The following CNOT1 variants were observed in gnomAD, a reference collection of about 807,000 sequenced individuals.
The protein encoded by CNOT1 is CCR4-associated factor 1.
CNOT1 carries 15 observed loss-of-function variants against 273.8 expected under a neutral mutation model. The ratio of observed to expected loss-of-function variants is 0.05; its 90% confidence interval spans 0.04 to 0.08. The LOEUF (loss-of-function observed/expected upper bound fraction) is 0.08, where lower values mean the gene tolerates loss of function less well. CNOT1 is among the 10% of genes least tolerant of loss of function. The pLI is 1.00. For missense variants in CNOT1, 1,644 were observed against 2,912.2 expected (o/e 0.56, Z 10.02); for synonymous variants, 1,022 against 1,005.5 (o/e 1.02, Z -0.31).
Position 58,553,808 on chromosome 16 carries a change from T to C in CNOT1, c.2944A>G (p.Met982Val), listed in dbSNP as rs762091126. The C allele has an allele frequency of 1.2e-6, 2 of 1,611,742 alleles. No individual in the cohort carries two copies. Among genetic ancestry groups the C allele is most frequent in the Non-Finnish European group, 1.7e-6 (2 of 1,179,400 alleles). Residue 982 changes from methionine to valine, a missense_variant, in exon 22 of 49, where the codon ATG becomes GTG. Met to Val is a conservative substitution (Grantham distance 21). Transcript: ENST00000317147. ...CQHLASISHF[M>V]QFPHHLQEYI... ...TCCTGTAAATGATGTGGAAATTGCA[T>C]AAAGTGACTGATAGAAGCCAAATGC...
chr16:58,585,830 A>C (rs972325848), intron 7 of CNOT1, among the ~76,000 whole-genome samples: 1 of 152,200 alleles, frequency 6.6e-6, no homozygotes, highest in African/African-American at 2.4e-5. Context: ...AAGCATCAAA[A>C]ACAAACAATT....
In CNOT1 at chr16:58,582,875, C is replaced by G. The variant is rs1460338158; in HGVS notation, c.962G>C (p.Trp321Ser). The change falls in exon 10 of 49, where the codon TGG (tryptophan) becomes TCG (serine). Residue 321 changes from tryptophan to serine, a missense_variant. Trp to Ser is a radical substitution (Grantham distance 177, BLOSUM62 -3). Transcript: ENST00000317147. Reference protein sequence around the residue: ...QSISAPGSGIWSDGKDKSDGA... With the variant: ...QSISAPGSGISSDGKDKSDGA... ...ATCACTTTTATCTTTCCCATCACTC[C>G]AGATCCCACTGCCCGGAGCAGAAAT... 6.2e-7 allele frequency: 1 copy of G among 1,610,444 alleles called. No homozygotes were observed. Among genetic ancestry groups the G allele is most frequent in the East Asian group, 2.2e-5 (1 of 44,848 alleles).
intron 16 of CNOT1, among the ~76,000 whole-genome samples, chr16:58,562,860 T>G (rs1239155071): frequency 6.6e-6 from 1 of 152,152 alleles, no homozygotes; most frequent in Non-Finnish European, 1.5e-5. Context: ...GTACATGAAC[T>G]TAGTCTTTAA....
intron 39 of CNOT1, among the ~76,000 whole-genome samples, chr16:58,535,179 A>C (rs2039887846): frequency 6.6e-6 from 1 of 152,194 alleles, no homozygotes; most frequent in African/African-American, 2.4e-5. Flanking sequence ...CACAGAAACC[A>C]AGTTCCGAAA....
intron 44 of CNOT1, chr16:58,528,199 T>C: frequency 1.9e-6 from 1 of 524,914 alleles, no homozygotes; most frequent in Non-Finnish European, 3.5e-6. Context: ...CCCCAACACC[T>C]AAGCTGTGGT....
At chr16:58,582,729 T>C (rs1245645726) in intron 10 of CNOT1, 64 bp downstream of exon 10, 11 of 943,130 alleles carry the variant, frequency 1.2e-5, no homozygotes, top group African/African-American at 3.3e-5. Flanking sequence ...TCTTAAAAAT[T>C]TGCTTTCTTT....
intron 1 of CNOT1, among the ~76,000 whole-genome samples, chr16:58,602,005 G>A (rs1224502594): frequency 6.6e-6 from 1 of 151,944 alleles, no homozygotes; most frequent in Non-Finnish European, 1.5e-5. Flanking sequence ...CAATATTGGA[G>A]TCCTTGAACT....
At chr16:58,548,421 A>C (rs906016245) in intron 25 of CNOT1, 23 of 457,216 alleles carry the variant, frequency 5.0e-5, no homozygotes, top group Non-Finnish European at 9.0e-5. Context: ...CATGGTCTTG[A>C]AACTTTGCTA....
At chr16:58,554,206 G>GCA (rs2040548836) in intron 21 of CNOT1, among the ~76,000 whole-genome samples, 1 of 146,320 alleles carries the variant, frequency 6.8e-6, no homozygotes, top group African/African-American at 2.7e-5. Flanking sequence ...CTACACAGCT[G>GCA]TAAAAAAAAA....
At chr16:58,609,313 A>C (rs903396063) in intron 1 of CNOT1, among the ~76,000 whole-genome samples, 2 of 151,984 alleles carry the variant, frequency 1.3e-5, no homozygotes, top group African/African-American at 4.8e-5. Flanking sequence ...CGGAGGTTGC[A>C]GTGAGCCAAG....
chr16:58,585,517 A>T lies in CNOT1; in HGVS notation c.638-11T>A. ...GTTCTTGGGGAAAATCTGAGAGAGGAAAAAGGTTACAACTGCTATACTAAT... is the reference window on the plus strand; with the variant it reads ...GTTCTTGGGGAAAATCTGAGAGAGGTAAAAGGTTACAACTGCTATACTAAT... On this transcript the variant is annotated splice_polypyrimidine_tract_variant and intron_variant, in intron 7 of 48. Coordinates refer to ENST00000317147, the MANE Select transcript of CNOT1 (RefSeq NM_016284.5). 1 of 1,609,230 alleles carries T rather than the reference A, an allele frequency of 6.2e-7. No individual in the cohort carries two copies. The highest frequency in any genetic ancestry group is 1.1e-5 in the South Asian group (1 of 90,606).
At position 58,537,194 on chromosome 16, in the gene CNOT1, C is replaced by T; in HGVS notation, c.5441G>A (p.Arg1814Gln). The T allele has an allele frequency of 1.2e-6, 2 of 1,607,766 alleles. No homozygotes were observed. Among genetic ancestry groups the T allele is most frequent in the South Asian group, 2.2e-5 (2 of 90,332 alleles). Residue 1814 changes from arginine (R) to glutamine (Q), a missense_variant, in exon 39 of 49, where the codon CGA becomes CAA. Physicochemically the swap from Arg to Gln is conservative, Grantham distance 43. Around this residue, in one of 13 missense-constraint regions of CNOT1, gnomAD observed 133 missense variants for 328.2 expected, o/e 0.41. Transcript: ENST00000317147. The part of the protein sequence containing the change: ...EGLPQLMEVV[R>Q]SNYEAMIDRA... ...ATCAATCATTGCTTCATAGTTGGAT[C>T]GCACTACTTCCATCAGCTGGGGCAA...
Position 58,543,789 on chromosome 16 carries a change from T to C in CNOT1, c.4252A>G (p.Thr1418Ala), listed in dbSNP as rs2040169688. The C allele has an allele frequency of 1.2e-6, 2 of 1,614,078 alleles. No individual in the cohort carries two copies. Among genetic ancestry groups the C allele is most frequent in the Non-Finnish European group, 1.7e-6 (2 of 1,180,014 alleles). Residue 1418 changes from threonine (T) to alanine (A), a missense_variant, in exon 31 of 49, where the codon ACT (threonine) becomes GCT (alanine). By Grantham distance (58) the Thr-to-Ala change is moderately conservative. Around this residue, in one of 13 missense-constraint regions of CNOT1, gnomAD observed 133 missense variants for 230.4 expected, o/e 0.58. Transcript: ENST00000317147. ...VVDRSIKIAMTTCEQIVRKDF... is the reference protein window; with the variant it reads ...VVDRSIKIAMATCEQIVRKDF... ...TTCCTGACTATTTGCTCACAAGTAG[T>C]CATGGCAATCTTAATTGATCGATCC...
intron 17 of CNOT1, chr16:58,559,898 C>T: frequency 1.5e-6 from 1 of 647,878 alleles, no homozygotes; most frequent in Non-Finnish European, 2.7e-6. Context: ...CGTGAAGCTA[C>T]AAACAAGACA....
chr16:58,619,798 A>G (rs975741072), intron 1 of CNOT1, among the ~76,000 whole-genome samples: 1 of 152,196 alleles, frequency 6.6e-6, no homozygotes, highest in Non-Finnish European at 1.5e-5. Flanking sequence ...CTGCTGGGAA[A>G]AAAACCTTAT....
chr16:58,561,403 G>A (rs1337546015), intron 16 of CNOT1, among the ~76,000 whole-genome samples: 1 of 152,072 alleles, frequency 6.6e-6, no homozygotes, highest in African/African-American at 2.4e-5. Flanking sequence ...CCCAAACCCA[G>A]ACATATCAAA....
At chr16:58,627,326 C>T (rs2043625520) in intron 1 of CNOT1, among the ~76,000 whole-genome samples, 1 of 137,556 alleles carries the variant, frequency 7.3e-6, no homozygotes, top group Non-Finnish European at 1.5e-5. Context: ...TTGCTTGAAC[C>T]CTGGAGGCAA....
At chr16:58,550,037 G>C (rs1316865904) in intron 24 of CNOT1, 139 bp from the exon 25 acceptor site, 2 of 1,312,444 alleles carry the variant, frequency 1.5e-6, no homozygotes, top group Non-Finnish European at 2.1e-6. Flanking sequence ...CTTCACACCA[G>C]ATAGATGCTA....
At position 58,534,143 on chromosome 16, in the gene CNOT1, A is replaced by G. The variant is rs1228514563; in HGVS notation, c.5895+4T>C. ...CAAGACTAAGGCAAGAAAGGATTTC[A>G]GACCTTGTTCAGCAGATTAATCTTT... On this transcript the variant is annotated splice_donor_region_variant and intron_variant, in intron 40 of 48. Transcript: ENST00000317147. 3 of 1,613,176 alleles carry G rather than the reference A, an allele frequency of 1.9e-6. No homozygotes were observed. In the Admixed American group the frequency reaches 5.0e-5, roughly 27 times the overall value.
Sources: gnomAD v4.1 joint callset for allele counts (sites outside exome capture counted in the v4.1 genomes callset) on GRCh38, gnomAD v4.1.1 for gene constraint, gnomAD v4.1.1 regional missense constraint, MANE v1.5 for transcripts, NCBI Gene and HGNC (gene_info 2026-07-23, HGNC 2026-07-21) for gene names.